Variants in GRB10 observed in about 807,000 individuals in gnomAD.
GRB10 encodes growth factor receptor bound protein 10, also known as growth factor receptor-bound protein 10.
GRB10 carries 20 observed loss-of-function variants against 80.9 expected under a neutral mutation model. That is an observed-to-expected ratio of 0.25 (90% CI 0.17 to 0.36). The LOEUF (loss-of-function observed/expected upper bound fraction) is 0.36. Ranked by LOEUF, GRB10 falls within the 10% of genes least tolerant of loss-of-function variation. The probability of loss-of-function intolerance (pLI) is 1.00; values close to 1 mark genes in which losing one functional copy is unlikely to be tolerated. For missense variants in GRB10, 548 were observed against 747.7 expected (o/e 0.73, Z 3.12); for synonymous variants, 291 against 291.5 (o/e 1.00, Z 0.02).
intron 17 of GRB10, among the ~76,000 whole-genome samples, chr7:50,600,089 G>C (rs765000395): frequency 1.3e-5 from 2 of 152,146 alleles, no homozygotes; most frequent in Admixed American, 6.5e-5. Context: ...ACCCCGAAGT[G>C]AGCCTGCGCT....
intron 7 of GRB10, among the ~76,000 whole-genome samples, chr7:50,662,449 T>G (rs548921708): frequency 1.3e-5 from 2 of 152,196 alleles, no homozygotes; most frequent in East Asian, 3.9e-4. Context: ...CAAATGCCAG[T>G]GTGTGCTGCA....
At chr7:50,744,216 A>T (rs1019930123) in intron 3 of GRB10, among the ~76,000 whole-genome samples, 4 of 152,222 alleles carry the variant, frequency 2.6e-5, no homozygotes, top group Non-Finnish European at 5.9e-5. Context: ...ACAGGACTTC[A>T]TGGAAAAGAA....
chr7:50,669,573 A>G (rs757885914), intron 7 of GRB10, 149 bp downstream of exon 7: 34 of 782,898 alleles, frequency 4.3e-5, no homozygotes, highest in South Asian at 4.3e-4. Context: ...TCATAGGACA[A>G]CAAGTACTGT....
rs563566028 is a variant in GRB10 at position 50,616,952 on chromosome 7, G to C, written c.847-605C>G. On this transcript the variant is annotated intron_variant, in intron 10 of 18. Coordinates refer to ENST00000401949, the MANE Select transcript of GRB10 (RefSeq NM_001350814.2). ...CGAAGTTGGGGAGGTGATGCTGGCAGGTCCTGCTACTAGACTGGGAGGGGA... is the reference window on the plus strand; with the variant it reads ...CGAAGTTGGGGAGGTGATGCTGGCACGTCCTGCTACTAGACTGGGAGGGGA... Among the ~76,000 whole-genome samples the C allele has an allele frequency of 3.3e-5, 5 of 152,360 alleles. No individual in the cohort carries two copies. In the East Asian group the frequency reaches 9.6e-4, roughly 29 times the overall value.
intron 5 of GRB10, among the ~76,000 whole-genome samples, chr7:50,687,801 C>T (rs910265349): frequency 2.0e-5 from 3 of 151,666 alleles, no homozygotes; most frequent in Non-Finnish European, 4.4e-5. Context: ...GGATGCTGGG[C>T]GCTGCCCTGG....
chr7:50,619,430 A>G, intron 8 of GRB10, 145 bp from the exon 9 acceptor site: 1 of 688,658 alleles, frequency 1.5e-6, no homozygotes, highest in South Asian at 1.5e-5. Context: ...CTAAATTTAA[A>G]TCTCTCTTTA....
At chr7:50,627,443 G>A (rs1482522377) in intron 7 of GRB10, among the ~76,000 whole-genome samples, 1 of 152,178 alleles carries the variant, frequency 6.6e-6, no homozygotes, top group African/African-American at 2.4e-5. Flanking sequence ...AGGGCACAGG[G>A]TCCAGCAGCG....
intron 17 of GRB10, among the ~76,000 whole-genome samples, chr7:50,597,707 G>A (rs192636807): frequency 6.6e-6 from 1 of 152,310 alleles, no homozygotes; most frequent in African/African-American, 2.4e-5. Flanking sequence ...AGCTTTATAG[G>A]GAATGCCTGA....
chr7:50,769,935 C>T (rs79841870), intron 2 of GRB10, among the ~76,000 whole-genome samples: 28 of 152,192 alleles, frequency 1.8e-4, no homozygotes, highest in African/African-American at 5.5e-4. Context: ...GTCTTCCCCC[C>T]AGTAAAGGTG....
At chr7:50,596,192 T>C (rs1243893644) in intron 17 of GRB10, among the ~76,000 whole-genome samples, 2 of 152,202 alleles carry the variant, frequency 1.3e-5, no homozygotes, top group African/African-American at 4.8e-5. Context: ...TTTCATGGCA[T>C]CAAAGTATTG....
At chr7:50,790,852 T>C (rs2078882178) in intron 1 of GRB10, among the ~76,000 whole-genome samples, 1 of 152,232 alleles carries the variant, frequency 6.6e-6, no homozygotes, top group African/African-American at 2.4e-5. Context: ...TGGAGTTTGA[T>C]TTCTACACAT....
At chr7:50,713,503 T>C (rs1353267229) in intron 4 of GRB10, among the ~76,000 whole-genome samples, 2 of 144,100 alleles carry the variant, frequency 1.4e-5, no homozygotes, top group Non-Finnish European at 3.0e-5. Flanking sequence ...CTCCACCATC[T>C]CCTCTACTAT....
chr7:50,676,250 C>G (rs56200772), intron 5 of GRB10, among the ~76,000 whole-genome samples: 11,515 of 150,160 alleles, frequency 0.077, 683 homozygotes, highest in South Asian at 0.12. Context: ...CCTAGTAGCT[C>G]TGGGCCCAGG....
At chr7:50,603,039 A>T (rs2153567661) in intron 17 of GRB10, among the ~76,000 whole-genome samples, 1 of 152,300 alleles carries the variant, frequency 6.6e-6, no homozygotes, top group East Asian at 1.9e-4. Flanking sequence ...ACTTATGTAA[A>T]TGTGAAAATT....
intron 3 of GRB10, among the ~76,000 whole-genome samples, chr7:50,748,287 T>C (rs949939213): frequency 1.3e-5 from 2 of 152,194 alleles, no homozygotes; most frequent in African/African-American, 2.4e-5. Flanking sequence ...GGAGTAGCCA[T>C]GTGCTGGTGT....
chr7:50,694,242 T>C (rs1006157967), intron 5 of GRB10, among the ~76,000 whole-genome samples: 1 of 152,202 alleles, frequency 6.6e-6, no homozygotes. Context: ...AAGAATTGCT[T>C]GAACCTGGGA....
At chr7:50,616,832 G>A (rs1005838612) in intron 10 of GRB10, among the ~76,000 whole-genome samples, 2 of 152,228 alleles carry the variant, frequency 1.3e-5, no homozygotes, top group Admixed American at 6.5e-5. Flanking sequence ...CTTCCCACAG[G>A]CAGCCTTAAG....
At chr7:50,681,580 C>T (rs192237253) in intron 5 of GRB10, among the ~76,000 whole-genome samples, 6 of 152,324 alleles carry the variant, frequency 3.9e-5, no homozygotes, top group East Asian at 3.9e-4. Flanking sequence ...ATTCTTACAA[C>T]GCAACAACCA....
upstream of GRB10, among the ~76,000 whole-genome samples, chr7:50,785,255 T>G (rs1459077429): frequency 2.0e-5 from 3 of 152,236 alleles, no homozygotes; most frequent in Non-Finnish European, 1.5e-5. Context: ...TGTCAGCTTC[T>G]GAGCAATGTC....
Sources: allele counts gnomAD v4.1 joint callset (sites outside exome capture counted in the v4.1 genomes callset), GRCh38; gene constraint gnomAD v4.1.1; transcripts MANE v1.5; gene names NCBI Gene and HGNC (gene_info 2026-07-23, HGNC 2026-07-21).